The following VEPH1 variants were observed in gnomAD, a reference collection of about 807,000 sequenced individuals.
The protein encoded by VEPH1 is ventricular zone-expressed PH domain-containing protein homolog 1.
In VEPH1, 80 loss-of-function variants were observed where a neutral mutation model predicts 85.2. The observed-to-expected ratio is 0.94, with a 90% CI of 0.78 to 1.13. VEPH1 has a LOEUF of 1.13. VEPH1 is among the 50% of genes most tolerant of loss of function. The pLI is 0.00. For missense variants in VEPH1, 955 were observed against 980.5 expected (o/e 0.97, Z 0.35); for synonymous variants, 297 against 348.0 (o/e 0.85, Z 1.63).
At chr3:157,306,538 T>G (rs1471864736) in intron 11 of VEPH1, among the ~76,000 whole-genome samples, 2 of 151,088 alleles carry the variant, frequency 1.3e-5, no homozygotes, top group African/African-American at 4.9e-5. Flanking sequence ...TACCACAACG[T>G]TTTTTTTCCA....
At chr3:157,385,930 A>T (rs1410380284) in intron 6 of VEPH1, among the ~76,000 whole-genome samples, 1 of 152,218 alleles carries the variant, frequency 6.6e-6, no homozygotes, top group Admixed American at 6.5e-5. Context: ...TGTGTTAGGC[A>T]TATCTTCCAA....
intron 12 of VEPH1, among the ~76,000 whole-genome samples, chr3:157,275,517 A>C (rs1296775731): frequency 1.3e-5 from 2 of 152,164 alleles, no homozygotes; most frequent in Non-Finnish European, 2.9e-5. Context: ...CGGAGGTTGC[A>C]GTGAGCCAAG....
intron 6 of VEPH1, among the ~76,000 whole-genome samples, chr3:157,383,706 T>C (rs1211074296): frequency 6.6e-6 from 1 of 152,198 alleles, no homozygotes; most frequent in Admixed American, 6.5e-5. Context: ...GACAGAGGCT[T>C]GTGCTTTCAT....
intron 2 of VEPH1, among the ~76,000 whole-genome samples, chr3:157,482,652 G>A (rs1738227161): frequency 6.6e-6 from 1 of 152,168 alleles, no homozygotes; most frequent in Non-Finnish European, 1.5e-5. Flanking sequence ...TGTCATCTGT[G>A]ATTTCTTTCA....
intron 9 of VEPH1, among the ~76,000 whole-genome samples, chr3:157,321,941 T>G (rs1183200845): frequency 1.3e-5 from 2 of 152,236 alleles, no homozygotes; most frequent in Non-Finnish European, 2.9e-5. Context: ...ACGTTTTATA[T>G]AATTTACCAC....
At chr3:157,311,701 A>C (rs570509808) in intron 11 of VEPH1, among the ~76,000 whole-genome samples, 8 of 152,318 alleles carry the variant, frequency 5.3e-5, no homozygotes, top group Admixed American at 4.6e-4. Flanking sequence ...TAGTTTGCCA[A>C]GTATTTTTTT....
intron 11 of VEPH1, among the ~76,000 whole-genome samples, chr3:157,296,434 C>A (rs1246771860): frequency 6.6e-6 from 1 of 152,156 alleles, no homozygotes; most frequent in Admixed American, 6.5e-5. Flanking sequence ...TGTGGGCTTC[C>A]TTGGTACCCC....
At chr3:157,433,171 A>C (rs1733296711) in intron 4 of VEPH1, among the ~76,000 whole-genome samples, 1 of 152,174 alleles carries the variant, frequency 6.6e-6, no homozygotes, top group African/African-American at 2.4e-5. Flanking sequence ...AAATAATAAC[A>C]ACTTCATTTC....
intron 11 of VEPH1, among the ~76,000 whole-genome samples, chr3:157,305,596 T>C (rs1324204132): frequency 2.0e-5 from 3 of 152,232 alleles, no homozygotes; most frequent in African/African-American, 7.2e-5. Context: ...ATTACTTCTT[T>C]AGAACAGATT....
intron 12 of VEPH1, among the ~76,000 whole-genome samples, chr3:157,274,641 G>A (rs1383149725): frequency 6.6e-6 from 1 of 152,084 alleles, no homozygotes; most frequent in Non-Finnish European, 1.5e-5. Context: ...AGGACTACAA[G>A]TGCATGCCAT....
chr3:157,468,348 G>A (rs957969016), intron 3 of VEPH1, among the ~76,000 whole-genome samples: 1 of 152,150 alleles, frequency 6.6e-6, no homozygotes, highest in Admixed American at 6.5e-5. Flanking sequence ...AAAAAAAATG[G>A]TGAATCACAA....
chr3:157,287,753 C>T (rs1716965635), intron 11 of VEPH1, among the ~76,000 whole-genome samples: 1 of 151,966 alleles, frequency 6.6e-6, no homozygotes, highest in African/African-American at 2.4e-5. Flanking sequence ...CTAGTAGAGA[C>T]AGGGTTATGC....
chr3:157,444,281 A>G (rs980274549), intron 4 of VEPH1, among the ~76,000 whole-genome samples: 7 of 152,366 alleles, frequency 4.6e-5, no homozygotes, highest in Admixed American at 1.3e-4. Flanking sequence ...GAATAGGACC[A>G]GGAGTAATTT....
At chr3:157,396,786 GTTGT>G (rs971804015) in intron 6 of VEPH1, among the ~76,000 whole-genome samples, 10 of 151,788 alleles carry the variant, frequency 6.6e-5, no homozygotes, top group South Asian at 2.1e-4. Flanking sequence ...TTTTAATTGG[GTTGT>G]TTGTTTTTTT....
chr3:157,286,495 G>T, intron 12 of VEPH1, 62 bp downstream of exon 12: 2 of 1,326,684 alleles, frequency 1.5e-6, no homozygotes, highest in South Asian at 2.4e-5. Context: ...GAAAAATGGA[G>T]CTGACAGATC....
At chr3:157,300,854 G>A (rs75476403) in intron 11 of VEPH1, among the ~76,000 whole-genome samples, 433 of 152,290 alleles carry the variant, frequency 2.8e-3, no homozygotes, top group African/African-American at 1.0e-2. Context: ...TCCAAATGAA[G>A]GTAGAAATAG....
At position 157,364,412 on chromosome 3, in the gene VEPH1, G is replaced by A. The variant is rs1444724633; in HGVS notation, c.1228C>T (p.Gln410Ter). ...EDHEKLQVKI[Q>*]AFEDKINAGS... ...GCATTTATCTTGTCTTCAAAAGCCT[G>A]GATTTTAACTTGGAGTTTTTCATGG... The change falls in exon 8 of 14, where the codon CAG becomes TAG. Residue 410 changes from glutamine to a stop codon, truncating the protein, a stop_gained. Transcript: ENST00000362010. LOFTEE classifies it high-confidence loss of function. 1 of 1,613,792 alleles carries A rather than the reference G, an allele frequency of 6.2e-7. No homozygotes were observed. The highest frequency in any genetic ancestry group is 1.3e-5 in the African/African-American group (1 of 74,892).
At chr3:157,434,465 C>A (rs1395056435) in intron 4 of VEPH1, among the ~76,000 whole-genome samples, 1 of 152,086 alleles carries the variant, frequency 6.6e-6, no homozygotes, top group Non-Finnish European at 1.5e-5. Flanking sequence ...GTGCATATCA[C>A]CACACCAGAT....
chr3:157,447,042 T>G (rs1180254985), intron 4 of VEPH1, among the ~76,000 whole-genome samples: 1 of 152,194 alleles, frequency 6.6e-6, no homozygotes, highest in African/African-American at 2.4e-5. Flanking sequence ...GAAAATAAGA[T>G]AGTTATCTTA....
Sources: gnomAD v4.1 joint callset for allele counts (sites outside exome capture counted in the v4.1 genomes callset) on GRCh38, gnomAD v4.1.1 for gene constraint, MANE v1.5 for transcripts, NCBI Gene and HGNC (gene_info 2026-07-23, HGNC 2026-07-21) for gene names.